Variants in TULP4 observed in about 807,000 individuals in gnomAD.
TULP4 encodes the protein tubby-related protein 4.
Under a neutral mutation model 129.0 loss-of-function variants are expected in TULP4, and 16 were observed. That is an observed-to-expected ratio of 0.12 (90% CI 0.08 to 0.19). The LOEUF is 0.19. TULP4 is among the 10% of genes least tolerant of loss of function. The pLI, the probability that TULP4 is intolerant of heterozygous loss-of-function variation, is 1.00. For synonymous variants in TULP4, 998 were observed against 854.0 expected (o/e 1.17, Z -2.94); for missense variants, 1,842 against 2,059.1 (o/e 0.89, Z 2.04).
intron 1 of TULP4, among the ~76,000 whole-genome samples, chr6:158,274,720 T>A (rs993651616): frequency 1.3e-5 from 2 of 152,148 alleles, no homozygotes; most frequent in Non-Finnish European, 2.9e-5. Flanking sequence ...GAGCTTGCAG[T>A]GAGCCGAGAT....
chr6:158,313,620 A>G lies in TULP4; in HGVS notation c.-397A>G. On this transcript the variant is annotated 5_prime_UTR_variant, in exon 1 of 14. Transcript: ENST00000367097. Reference sequence around the variant, plus strand: ...CCCTTTGTCTCTGGAATCATATTACACTAAACTGGAATCTCAGGCTGAATG... The same window carrying G: ...CCCTTTGTCTCTGGAATCATATTACGCTAAACTGGAATCTCAGGCTGAATG... 2.3e-6 allele frequency: 1 copy of G among 426,068 alleles called. No individual in the cohort carries two copies. The highest frequency in any genetic ancestry group is 4.1e-6 in the Non-Finnish European group (1 of 242,736). The allele number at this position is 426,068 out of a possible 1,614,324, so 26.4% of individuals were successfully genotyped here.
intron 2 of TULP4, among the ~76,000 whole-genome samples, chr6:158,422,788 T>A (rs341142): frequency 6.6e-6 from 1 of 152,122 alleles, no homozygotes; most frequent in African/African-American, 2.4e-5. Context: ...CCATGTAGCC[T>A]GCGGAAAACG....
chr6:158,494,014 C>T (rs1780272617), intron 10 of TULP4, among the ~76,000 whole-genome samples: 1 of 152,174 alleles, frequency 6.6e-6, no homozygotes, highest in Non-Finnish European at 1.5e-5. Flanking sequence ...CCCTCAGTGC[C>T]CCCTCACCCT....
chr6:158,262,667 GAGAAGGCTGGA>G (rs1406755300), intron 1 of TULP4, among the ~76,000 whole-genome samples: 5 of 152,174 alleles, frequency 3.3e-5, no homozygotes, highest in African/African-American at 1.2e-4. Flanking sequence ...AAGAGTCTGA[GAGAAGGCTGGA>G]AGAAGGCTGG....
intron 1 of TULP4, among the ~76,000 whole-genome samples, chr6:158,367,063 A>T (rs981159872): frequency 4.6e-5 from 7 of 152,126 alleles, no homozygotes; most frequent in Admixed American, 1.3e-4. Flanking sequence ...ATTGAAAAAA[A>T]AAAATCTGAA....
chr6:158,400,024 A>G (rs145172379), intron 1 of TULP4, among the ~76,000 whole-genome samples: 4 of 152,326 alleles, frequency 2.6e-5, no homozygotes, highest in East Asian at 1.9e-4. Context: ...GCTGTTGTCT[A>G]ATTGTCTGTT....
chr6:158,461,505 T>C, intron 5 of TULP4, 58 bp from the exon 6 acceptor site: 1 of 1,550,724 alleles, frequency 6.4e-7, no homozygotes, highest in Non-Finnish European at 8.8e-7. Context: ...GTAGGCTTGC[T>C]GAGTGGCAGT....
chr6:158,402,619 T>A (rs966802106), intron 1 of TULP4, among the ~76,000 whole-genome samples: 1 of 152,244 alleles, frequency 6.6e-6, no homozygotes, highest in Non-Finnish European at 1.5e-5. Flanking sequence ...TTGGAATATC[T>A]TTGATAACTC....
intron 1 of TULP4, among the ~76,000 whole-genome samples, chr6:158,297,998 C>A (rs895631187): frequency 6.6e-6 from 1 of 152,076 alleles, no homozygotes; most frequent in African/African-American, 2.4e-5. Context: ...CCTAGGAATG[C>A]AATTCTTTTC....
At chr6:158,444,918 C>T (rs1335661701) in intron 3 of TULP4, among the ~76,000 whole-genome samples, 1 of 152,124 alleles carries the variant, frequency 6.6e-6, no homozygotes, top group African/African-American at 2.4e-5. Context: ...CTCCAGTGAT[C>T]CTCCCGCCTC....
chr6:158,375,394 C>T (rs1438630129), intron 1 of TULP4, among the ~76,000 whole-genome samples: 5 of 152,234 alleles, frequency 3.3e-5, no homozygotes, highest in East Asian at 3.9e-4. Flanking sequence ...GTGAATAAAA[C>T]GATAAATGAG....
At chr6:158,333,723 AT>A (rs879487684) in intron 1 of TULP4, among the ~76,000 whole-genome samples, 1 of 152,220 alleles carries the variant, frequency 6.6e-6, no homozygotes, top group Admixed American at 6.5e-5. Flanking sequence ...TATTGAAAAA[AT>A]TAAGAAAACG....
At chr6:158,355,246 G>T (rs1255004192) in intron 1 of TULP4, among the ~76,000 whole-genome samples, 1 of 151,972 alleles carries the variant, frequency 6.6e-6, no homozygotes, top group Non-Finnish European at 1.5e-5. Flanking sequence ...CCATGCCCAG[G>T]TAATTAAAAT....
chr6:158,416,760 C>A (rs1415978638), intron 2 of TULP4, among the ~76,000 whole-genome samples: 1 of 152,226 alleles, frequency 6.6e-6, no homozygotes, highest in Non-Finnish European at 1.5e-5. Context: ...CACTCTCTGG[C>A]TCACCCAGAG....
intron 5 of TULP4, among the ~76,000 whole-genome samples, chr6:158,459,565 G>C (rs944298738): frequency 1.3e-5 from 2 of 152,088 alleles, no homozygotes; most frequent in Non-Finnish European, 2.9e-5. Context: ...AGCAGTTTCC[G>C]AAAGCATCAT....
At chr6:158,341,273 T>C (rs1254741110) in intron 1 of TULP4, among the ~76,000 whole-genome samples, 2 of 152,114 alleles carry the variant, frequency 1.3e-5, no homozygotes, top group Non-Finnish European at 2.9e-5. Flanking sequence ...GGAGTTCACT[T>C]TTTTTTATGG....
Position 158,507,970 on chromosome 6 carries a change from G to A in TULP4, c.*1276G>A, listed in dbSNP as rs1780642239. 1 of 152,042 alleles carries A rather than the reference G, an allele frequency of 6.6e-6. No individual in the cohort carries two copies. Among genetic ancestry groups the A allele is most frequent in the Non-Finnish European group, 1.5e-5 (1 of 68,010 alleles). 9.4% of individuals were successfully genotyped at this position (152,042 alleles called of 1,614,324 possible). A position where few individuals can be genotyped will look rare whatever the true frequency, so the allele number is the denominator to read the frequency against. ...ATTAACTGTACAGACTGTTTACTAA[G>A]GAGCTAAACCACTGAGAAAACGTTA... On this transcript the variant is annotated 3_prime_UTR_variant, in exon 14 of 14. Transcript: ENST00000367097.
upstream of TULP4, among the ~76,000 whole-genome samples, chr6:158,311,787 T>G (rs9456285): frequency 0.17 from 26,309 of 152,132 alleles, 2,703 homozygotes; most frequent in Middle Eastern, 0.24. Flanking sequence ...GCAGTTATGA[T>G]TTCATTCAGA....
intron 1 of TULP4, among the ~76,000 whole-genome samples, chr6:158,353,333 G>T (rs1025612552): frequency 1.4e-5 from 2 of 146,046 alleles, no homozygotes; most frequent in Non-Finnish European, 3.1e-5. Flanking sequence ...TCCCATTAGG[G>T]TTTTAAAATT....
Sources: gnomAD v4.1 joint callset for allele counts (sites outside exome capture counted in the v4.1 genomes callset) on GRCh38, gnomAD v4.1.1 for gene constraint, MANE v1.5 for transcripts, NCBI Gene and HGNC (gene_info 2026-07-23, HGNC 2026-07-21) for gene names.